Variants in STK31 observed in about 807,000 individuals in gnomAD.
STK31 encodes the protein serine/threonine kinase 31.
STK31 carries 89 observed loss-of-function variants against 129.7 expected under a neutral mutation model. The observed-to-expected ratio is 0.69, with a 90% CI of 0.58 to 0.82. The LOEUF is 0.82. Among genes scored for constraint, STK31 ranks in the 40% least tolerant of loss-of-function variants. The pLI is 0.00. For synonymous variants in STK31, 448 were observed against 395.3 expected, an observed-to-expected ratio of 1.13 and a Z score of -1.58; for missense variants, 1,187 against 1,176.4, an observed-to-expected ratio of 1.01 and a Z score of -0.13.
At chr7:23,749,386 A>C (rs1432538289) in intron 8 of STK31, among the ~76,000 whole-genome samples, 2 of 125,900 alleles carry the variant, frequency 1.6e-5, no homozygotes, top group African/African-American at 6.2e-5. Context: ...CCTGTTGTCT[A>C]GTCTGGAATG....
chr7:23,774,413 TC>T (rs1474650671), intron 15 of STK31, among the ~76,000 whole-genome samples: 2 of 152,202 alleles, frequency 1.3e-5, no homozygotes, highest in Admixed American at 6.6e-5. Context: ...GTAAAAGTGT[TC>T]CTATTTCTCC....
At chr7:23,712,037 G>GT in intron 1 of STK31, 62 bp from the exon 2 acceptor site, 1 of 1,356,320 alleles carries the variant, frequency 7.4e-7, no homozygotes, top group Non-Finnish European at 1.0e-6. Context: ...ACATGATGTA[G>GT]TTTAGTCTTC....
chr7:23,830,776 C>T (rs745658392), intron 23 of STK31, among the ~76,000 whole-genome samples: 1 of 152,038 alleles, frequency 6.6e-6, no homozygotes, highest in South Asian at 2.1e-4. Context: ...TCTGCCACCA[C>T]ACTCATCTAA....
Position 23,726,723 on chromosome 7 carries a change from A to G in STK31, c.250-518A>G, listed in dbSNP as rs193064772. Among the ~76,000 whole-genome samples the G allele has an allele frequency of 6.9e-3, 1,043 of 152,208 alleles. 21 individuals are homozygous for G. The highest frequency in any genetic ancestry group is 3.9e-3 in the Non-Finnish European group (262 of 68,000). On this transcript the variant is annotated intron_variant, in intron 4 of 23. Coordinates refer to ENST00000355870, the MANE Select transcript of STK31 (RefSeq NM_031414.5). ...TATAAAATAAAGTACAGTATTAAAG[A>G]TATTATCTAATTTAGTTTTATCTAC...
chr7:23,785,328 TAC>T (rs1791202938), intron 17 of STK31, 148 bp from the exon 18 acceptor site: 5 of 1,056,616 alleles, frequency 4.7e-6, no homozygotes, highest in East Asian at 5.4e-5. Context: ...CTGGAGAAAG[TAC>T]ACAGTTTTAA....
intron 13 of STK31, 128 bp from the exon 14 acceptor site, chr7:23,770,877 G>T: frequency 2.1e-6 from 2 of 973,690 alleles, no homozygotes; most frequent in South Asian, 1.8e-5. Flanking sequence ...TTGTGTTTAA[G>T]AACTGTTTTG....
intron 23 of STK31, among the ~76,000 whole-genome samples, chr7:23,831,271 A>G (rs111674110): frequency 1.2e-4 from 19 of 152,246 alleles, no homozygotes; most frequent in African/African-American, 4.1e-4. Flanking sequence ...TTTGATTTAT[A>G]TATCTGGGTG....
chr7:23,731,200 T>C (rs1260699836), intron 6 of STK31, among the ~76,000 whole-genome samples: 1 of 151,936 alleles, frequency 6.6e-6, no homozygotes, highest in African/African-American at 2.4e-5. Context: ...TTTGGATGCT[T>C]AGTTCAGTAA....
intron 15 of STK31, among the ~76,000 whole-genome samples, chr7:23,779,252 C>G (rs1451569759): frequency 6.6e-6 from 1 of 152,182 alleles, no homozygotes; most frequent in African/African-American, 2.4e-5. Context: ...CTAGCCAGAG[C>G]TATCCTGTAT....
At position 23,736,886 on chromosome 7, in the gene STK31, A is replaced by G; in HGVS notation, c.843-18A>G. ...TTATACAGTTTGTTTGTCAAAATAA[A>G]TGAATTTGTTTTTATAGGGAAAGTT... On this transcript the variant is annotated intron_variant, in intron 7 of 23. Coordinates refer to ENST00000355870, the MANE Select transcript of STK31 (RefSeq NM_031414.5). 2 of 1,583,630 alleles carry G rather than the reference A, an allele frequency of 1.3e-6. No individual in the cohort carries two copies. Among genetic ancestry groups the G allele is most frequent in the East Asian group, 2.2e-5 (1 of 44,558 alleles).
intron 23 of STK31, among the ~76,000 whole-genome samples, chr7:23,826,482 C>T (rs548935418): frequency 1.7e-4 from 26 of 152,234 alleles, no homozygotes; most frequent in African/African-American, 5.5e-4. Context: ...TATTTTGAGC[C>T]TATGTGTGTC....
At chr7:23,750,697 C>G (rs1165126423) in intron 8 of STK31, among the ~76,000 whole-genome samples, 1 of 152,174 alleles carries the variant, frequency 6.6e-6, no homozygotes, top group Non-Finnish European at 1.5e-5. Flanking sequence ...AAGCATGTTG[C>G]TTAATTTCCA....
At chr7:23,711,406 CAG>C (rs1006960238) in intron 1 of STK31, among the ~76,000 whole-genome samples, 1 of 147,976 alleles carries the variant, frequency 6.8e-6, no homozygotes, top group African/African-American at 2.5e-5. Flanking sequence ...GCCTGAGCGA[CAG>C]AGCAAGACTT....
At chr7:23,731,980 C>A (rs1787459551) in intron 6 of STK31, among the ~76,000 whole-genome samples, 2 of 151,984 alleles carry the variant, frequency 1.3e-5, no homozygotes, top group Admixed American at 6.6e-5. Flanking sequence ...GATTGAAAGC[C>A]TTATGTTCTA....
chr7:23,773,975 C>T (rs895156336), intron 15 of STK31, among the ~76,000 whole-genome samples: 5 of 150,070 alleles, frequency 3.3e-5, no homozygotes, highest in African/African-American at 1.2e-4. Context: ...TGGTCCCCTT[C>T]CTGTGTTCAA....
chr7:23,799,969 C>G (rs570231893), intron 22 of STK31, among the ~76,000 whole-genome samples: 4 of 152,098 alleles, frequency 2.6e-5, no homozygotes, highest in Admixed American at 6.5e-5. Flanking sequence ...ATGTGGCCAA[C>G]AAGCATATGA....
At position 23,780,461 on chromosome 7, in the gene STK31, GGAT is replaced by G. The variant is rs1207420594; in HGVS notation, c.1966-956_1966-954del. Reference sequence around the variant, plus strand: ...AGGGCTTAAATATTTAAAAGGGAAAGGATGGATACTGGGGAAAGAGGAAGAAAT... The same window carrying G: ...AGGGCTTAAATATTTAAAAGGGAAAGGGATACTGGGGAAAGAGGAAGAAAT... On this transcript the variant is annotated intron_variant, in intron 15 of 23. Coordinates refer to ENST00000355870, the MANE Select transcript of STK31 (RefSeq NM_031414.5). 9.8e-5 allele frequency among the ~76,000 whole-genome samples: 15 copies of G among 152,302 alleles called. No homozygotes were observed. The South Asian group carries it at 2.9e-3, about 30-fold the overall frequency.
At position 23,735,895 on chromosome 7, in the gene STK31, A is replaced by C. The variant is rs148260026; in HGVS notation, c.841A>C (p.Lys281Gln). ...NDAGNLITFP[K>Q]ESLAVGDFNL... Reference sequence around the variant, plus strand: ...TGCAGGCAATCTTATAACATTTCCAAAGTAAGAATTTAGTCTTCACTAATT... The same window carrying C: ...TGCAGGCAATCTTATAACATTTCCACAGTAAGAATTTAGTCTTCACTAATT... Residue 281 changes from lysine to glutamine, a missense_variant and splice_region_variant, in exon 7 of 24, where the codon AAG becomes CAG. By Grantham distance (53) the Lys-to-Gln change is moderately conservative. This residue lies in a region of STK31 where 975 missense variants were observed against 934.9 expected (regional missense o/e 1.04). Coordinates refer to ENST00000355870, the MANE Select transcript of STK31 (RefSeq NM_031414.5). 4.5e-6 allele frequency: 7 copies of C among 1,565,140 alleles called. No homozygotes were observed. The East Asian group carries it at 1.6e-4, about 35-fold the overall frequency.
At chr7:23,728,037 C>G (rs186690217) in intron 5 of STK31, among the ~76,000 whole-genome samples, 19 of 141,492 alleles carry the variant, frequency 1.3e-4, no homozygotes, top group African/African-American at 4.8e-4. Flanking sequence ...TTTCTTATGC[C>G]TGGGTTAAAT....
Sources: allele counts gnomAD v4.1 joint callset (sites outside exome capture counted in the v4.1 genomes callset), GRCh38; gene constraint gnomAD v4.1.1; regional missense constraint gnomAD v4.1.1; transcripts MANE v1.5; gene names NCBI Gene and HGNC (gene_info 2026-07-23, HGNC 2026-07-21).